The following DEPDC5 variants were observed in gnomAD, a reference collection of about 807,000 sequenced individuals.
DEPDC5 encodes the protein DEP domain containing 5, GATOR1 subcomplex subunit, also known as GATOR1 complex protein DEPDC5.
A neutral mutation model predicts 217.3 loss-of-function variants in DEPDC5; 73 were observed. The ratio of observed to expected loss-of-function variants is 0.34; its 90% confidence interval spans 0.28 to 0.41. The LOEUF is 0.41. Ranked by LOEUF, DEPDC5 falls within the 10% of genes least tolerant of loss-of-function variation. DEPDC5 has a pLI of 1.00. For synonymous variants in DEPDC5, 733 were observed against 756.7 expected (o/e 0.97, Z 0.51); for missense variants, 1,675 against 2,070.1 (o/e 0.81, Z 3.70).
rs1042775761 is a variant in DEPDC5 at position 31,906,012 on chromosome 22, G to A, written c.4465G>A (p.Ala1489Thr). The A allele has an allele frequency of 2.5e-6, 4 of 1,614,102 alleles. No individual in the cohort carries two copies. Among genetic ancestry groups the A allele is most frequent in the Non-Finnish European group, 2.5e-6 (3 of 1,180,028 alleles). ...RFGFVQDKYSASAFNFPAENK... is the reference protein window; with the variant it reads ...RFGFVQDKYSTSAFNFPAENK... ...TGGGTTTGTACAAGATAAATATTCTGCCTCTGCTTTTAACTTCCCTGCTGA... is the reference window on the plus strand; with the variant it reads ...TGGGTTTGTACAAGATAAATATTCTACCTCTGCTTTTAACTTCCCTGCTGA... The change falls in exon 42 of 43, where the codon GCC becomes ACC. Residue 1489 changes from alanine to threonine, a missense_variant. By Grantham distance (58) the Ala-to-Thr change is moderately conservative. Around this residue, in one of 11 missense-constraint regions of DEPDC5, gnomAD observed 182 missense variants for 290.1 expected, o/e 0.63. Transcript: ENST00000651528. This position sits in a 1 kb window ranked among gnomAD's most constrained non-coding sequence, Gnocchi z 5.1.
chr22:31,830,014 A>G (rs1336001947), intron 24 of DEPDC5, among the ~76,000 whole-genome samples: 1 of 152,250 alleles, frequency 6.6e-6, no homozygotes, highest in East Asian at 1.9e-4. Flanking sequence ...TGCATGCAGT[A>G]TATTTGGCCT....
At chr22:31,826,018 C>A (rs535672773) in intron 24 of DEPDC5, among the ~76,000 whole-genome samples, 14 of 146,918 alleles carry the variant, frequency 9.5e-5, no homozygotes, top group African/African-American at 1.8e-4. Flanking sequence ...TTTTTTTTTT[C>A]TTTTTTGAGG....
At chr22:31,888,010 C>T (rs2093354746) in intron 38 of DEPDC5, among the ~76,000 whole-genome samples, 1 of 152,044 alleles carries the variant, frequency 6.6e-6, no homozygotes, top group Admixed American at 6.6e-5. Context: ...CCTTTTTAAA[C>T]ACTTAGGATA....
At chr22:31,889,935 A>G (rs556464733) in intron 38 of DEPDC5, among the ~76,000 whole-genome samples, 59 of 152,310 alleles carry the variant, frequency 3.9e-4, no homozygotes, top group Admixed American at 1.0e-3. Context: ...TGGAGTGACC[A>G]AGTTCTTTAG....
chr22:31,906,848 C>T lies in DEPDC5; in HGVS notation c.*351C>T. The T allele has an allele frequency of 7.5e-6, 3 of 400,084 alleles. No homozygotes were observed. The highest frequency in any genetic ancestry group is 6.4e-5 in the South Asian group (2 of 31,268). The allele number at this position is 400,084 out of a possible 1,614,324, so 24.8% of individuals were successfully genotyped here. A position where few individuals can be genotyped will look rare whatever the true frequency, so the allele number is the denominator to read the frequency against. Reference sequence around the variant, plus strand: ...CTCGGAAGGGGGTGGCTCCTGGTAGCATCCTTTTCCTTCACCATCTATGGG... The same window carrying T: ...CTCGGAAGGGGGTGGCTCCTGGTAGTATCCTTTTCCTTCACCATCTATGGG... On this transcript the variant is annotated 3_prime_UTR_variant, in exon 43 of 43. Coordinates refer to ENST00000651528, the MANE Select transcript of DEPDC5 (RefSeq NM_001242896.3). This position sits in a 1 kb window ranked among gnomAD's most constrained non-coding sequence, Gnocchi z 5.1.
At chr22:31,828,612 CT>C (rs66480771) in intron 24 of DEPDC5, among the ~76,000 whole-genome samples, 25,354 of 151,932 alleles carry the variant, frequency 0.17, 2,492 homozygotes, top group African/African-American at 0.27. Flanking sequence ...AACTAGATTC[CT>C]TTTTTTCAAA....
chr22:31,897,871 A>G (rs2093581350), intron 40 of DEPDC5, among the ~76,000 whole-genome samples: 1 of 152,100 alleles, frequency 6.6e-6, no homozygotes, highest in Non-Finnish European at 1.5e-5. Context: ...CGAATTCCTT[A>G]TTCCTAAAAT....
intron 1 of DEPDC5, 63 bp downstream of exon 1, chr22:31,754,227 C>CA (rs1437776056): frequency 6.5e-6 from 1 of 153,670 alleles, no homozygotes; most frequent in Non-Finnish European, 1.4e-5. Flanking sequence ...GACCTTGGCC[C>CA]AGGTTCGAGT....
chr22:31,787,362 A>G (rs2085112311), intron 10 of DEPDC5, among the ~76,000 whole-genome samples: 1 of 152,250 alleles, frequency 6.6e-6, no homozygotes, highest in Admixed American at 6.6e-5. Flanking sequence ...AGGATTACAG[A>G]TAGAACCACC....
chr22:31,857,624 C>T (rs1381031357), intron 32 of DEPDC5, 71 bp downstream of exon 32: 23 of 1,308,362 alleles, frequency 1.8e-5, no homozygotes, highest in African/African-American at 1.5e-5. Context: ...TAAAACAGAT[C>T]GCCCTTCAGA....
intron 6 of DEPDC5, among the ~76,000 whole-genome samples, chr22:31,767,098 A>C (rs765606756): frequency 7.2e-5 from 11 of 151,818 alleles, no homozygotes; most frequent in Non-Finnish European, 1.5e-4. Context: ...TCCAGATCAC[A>C]CTGCTTTTTG....
chr22:31,811,484 A>G (rs1038405263), intron 20 of DEPDC5, among the ~76,000 whole-genome samples: 10 of 151,904 alleles, frequency 6.6e-5, no homozygotes, highest in South Asian at 6.2e-4. Flanking sequence ...CTGAGTGGGC[A>G]TGAACTTTTC....
rs745684156 is a variant in DEPDC5 at position 31,792,736 on chromosome 22, C to T, written c.695-9C>T. On this transcript the variant is annotated splice_polypyrimidine_tract_variant and intron_variant, in intron 11 of 42. Transcript: ENST00000651528. The stretch of plus-strand genomic sequence containing the variant: ...GCCTGAACTACATACTCCGTTTTCT[C>T]TATTTCAGATGAATTTCCTGAAATA... 9.8e-6 allele frequency: 15 copies of T among 1,528,716 alleles called. No homozygotes were observed. In the South Asian group the frequency reaches 1.8e-4, roughly 19 times the overall value. The allele number at this position is 1,528,716 out of a possible 1,614,324, so 94.7% of individuals were successfully genotyped here.
intron 8 of DEPDC5, among the ~76,000 whole-genome samples, chr22:31,779,373 G>A (rs1456733450): frequency 6.6e-6 from 1 of 152,214 alleles, no homozygotes; most frequent in African/African-American, 2.4e-5. Flanking sequence ...TCCTGCAAAG[G>A]TGTCTGAAAA....
At chr22:31,850,962 G>GGAGGCTGAGGCAGGAGAATTGCTT (rs1417391763) in intron 31 of DEPDC5, among the ~76,000 whole-genome samples, 2 of 152,066 alleles carry the variant, frequency 1.3e-5, no homozygotes, top group African/African-American at 4.8e-5. Flanking sequence ...CAGCTACGCG[G>GGAGGCTGAGGCAGGAGAATTGCTT]GAGGCTGAGG....
intron 3 of DEPDC5, 57 bp from the exon 4 acceptor site, chr22:31,760,599 G>A (rs1312318339): frequency 6.6e-7 from 1 of 1,511,126 alleles, no homozygotes. Flanking sequence ...GGGGATGAAG[G>A]TTGCTAGGGA....
chr22:31,774,811 A>G (rs2148275125), intron 7 of DEPDC5, among the ~76,000 whole-genome samples: 1 of 152,210 alleles, frequency 6.6e-6, no homozygotes, highest in South Asian at 2.1e-4. Flanking sequence ...GATAGTAGAT[A>G]CGGGGTTTTA....
chr22:31,824,003 A>G (rs185947608), intron 24 of DEPDC5, among the ~76,000 whole-genome samples: 93 of 152,340 alleles, frequency 6.1e-4, no homozygotes, highest in African/African-American at 2.1e-3. Flanking sequence ...TTGGGCTACT[A>G]CGTTGTGCTT....
intron 41 of DEPDC5, among the ~76,000 whole-genome samples, chr22:31,902,411 TATA>T (rs1382699211): frequency 0.029 from 3,318 of 113,144 alleles, 162 homozygotes; most frequent in African/African-American, 0.1. Context: ...CTCCTTATTA[TATA>T]TATATATATA....
Sources: gnomAD v4.1 joint callset for allele counts (sites outside exome capture counted in the v4.1 genomes callset) on GRCh38, gnomAD v4.1.1 for gene constraint, gnomAD v4.1.1 regional missense constraint, Gnocchi (gnomAD v3.1) non-coding constraint, MANE v1.5 for transcripts, NCBI Gene and HGNC (gene_info 2026-07-23, HGNC 2026-07-21) for gene names.